The following LTBP2 variants were observed in gnomAD, a reference collection of about 807,000 sequenced individuals.
LTBP2 encodes the protein latent transforming growth factor beta binding protein 2.
Under a neutral mutation model 210.6 loss-of-function variants are expected in LTBP2, and 103 were observed. The observed-to-expected ratio is 0.49, with a 90% CI of 0.42 to 0.58. The LOEUF (loss-of-function observed/expected upper bound fraction) is 0.58, where lower values mean the gene tolerates loss of function less well. Ranked by LOEUF, LTBP2 falls within the 20% of genes least tolerant of loss-of-function variation. The probability of loss-of-function intolerance (pLI) is 0.00; values close to 1 mark genes in which losing one functional copy is unlikely to be tolerated. For missense variants in LTBP2, 2,313 were observed against 2,494.5 expected, an observed-to-expected ratio of 0.93 and a Z score of 1.55; for synonymous variants, 1,007 against 1,015.0, an observed-to-expected ratio of 0.99 and a Z score of 0.15.
chr14:74,596,103 T>C (rs889448554), intron 2 of LTBP2, among the ~76,000 whole-genome samples: 51 of 152,126 alleles, frequency 3.4e-4, no homozygotes, highest in African/African-American at 1.2e-3. Context: ...CACACACCTG[T>C]AATCCCAGCT....
chr14:74,607,732 T>C (rs1019551533), intron 1 of LTBP2, among the ~76,000 whole-genome samples: 1 of 152,136 alleles, frequency 6.6e-6, no homozygotes, highest in Non-Finnish European at 1.5e-5. Context: ...CAAAACAACA[T>C]TGTATATTTT....
At chr14:74,506,526 C>T (rs140356963) in intron 27 of LTBP2, among the ~76,000 whole-genome samples, 172 bp downstream of exon 27, 61 of 152,368 alleles carry the variant, frequency 4.0e-4, no homozygotes, top group Non-Finnish European at 7.3e-4. Context: ...CTTACCCGCC[C>T]GGCCCATGTG....
chr14:74,590,348 G>C (rs1441420339), intron 2 of LTBP2, among the ~76,000 whole-genome samples: 1 of 152,220 alleles, frequency 6.6e-6, no homozygotes, highest in Admixed American at 6.5e-5. Context: ...TATGTCTACT[G>C]CAGCACAATT....
chr14:74,611,932 T>G lies in LTBP2; in HGVS notation c.13A>C (p.Thr5Pro). ...GCGCGCCCCGGGCTGCGGGCTTTGG[T>G]CCGCGGCCTCATGGCGCGGGGCGGC... The part of the protein sequence containing the change: MRPR[T>P]KARSPGRALR... The change falls in exon 1 of 36, where the codon ACC becomes CCC. Residue 5 changes from threonine (T) to proline (P), a missense_variant. Around this residue, in one of 3 missense-constraint regions of LTBP2, gnomAD observed 1,867 missense variants for 1,976.9 expected, o/e 0.94. Transcript: ENST00000261978. The G allele has an allele frequency of 2.5e-6, 4 of 1,582,282 alleles. No individual in the cohort carries two copies. Among genetic ancestry groups the G allele is most frequent in the Non-Finnish European group, 3.4e-6 (4 of 1,168,278 alleles).
At position 74,499,704 on chromosome 14, in the gene LTBP2, G is replaced by A. The variant is rs576929018; in HGVS notation, c.*1180C>T. 2.8e-4 allele frequency: 64 copies of A among 225,518 alleles called. 1 individual carries two copies. The highest frequency in any genetic ancestry group is 1.4e-4 in the Non-Finnish European group (16 of 113,292). 14.0% of individuals were successfully genotyped at this position (225,518 alleles called of 1,614,324 possible). A position where few individuals can be genotyped will look rare whatever the true frequency, so the allele number is the denominator to read the frequency against. ...GCCTCATCTCTAATATTTAGACTTAGCCAACATGGTAAAGAAATTTAATCT... is the reference window on the plus strand; with the variant it reads ...GCCTCATCTCTAATATTTAGACTTAACCAACATGGTAAAGAAATTTAATCT... On this transcript the variant is annotated 3_prime_UTR_variant, in exon 36 of 36. Transcript: ENST00000261978.
At chr14:74,605,017 C>T (rs571899438) in intron 1 of LTBP2, among the ~76,000 whole-genome samples, 1 of 152,360 alleles carries the variant, frequency 6.6e-6, no homozygotes, top group Admixed American at 6.5e-5. Flanking sequence ...GGACTGACTC[C>T]TTGGCAGGCT....
chr14:74,543,940 G>A (rs1256080880), intron 8 of LTBP2, among the ~76,000 whole-genome samples: 1 of 152,144 alleles, frequency 6.6e-6, no homozygotes, highest in Non-Finnish European at 1.5e-5. Flanking sequence ...CAGACCCCTG[G>A]CTCAGGCAGG....
chr14:74,612,143 C>A lies in LTBP2; in HGVS notation c.-199G>T. Reference sequence around the variant, plus strand: ...GCGCCCCGAGCCTCGAGTCCGCGCTCCTACTCCAGCTGGGCTCGCACGGCT... The same window carrying A: ...GCGCCCCGAGCCTCGAGTCCGCGCTACTACTCCAGCTGGGCTCGCACGGCT... On this transcript the variant is annotated 5_prime_UTR_variant, in exon 1 of 36. Coordinates refer to ENST00000261978, the MANE Select transcript of LTBP2 (RefSeq NM_000428.3). The A allele has an allele frequency of 1.8e-6, 1 of 549,086 alleles. No homozygotes were observed. Among genetic ancestry groups the A allele is most frequent in the Middle Eastern group, 4.8e-4 (1 of 2,086 alleles). 34.0% of individuals were successfully genotyped at this position (549,086 alleles called of 1,614,324 possible).
At chr14:74,534,553 A>G (rs760924589) in intron 9 of LTBP2, among the ~76,000 whole-genome samples, 1 of 151,998 alleles carries the variant, frequency 6.6e-6, no homozygotes, top group Non-Finnish European at 1.5e-5. Flanking sequence ...CGCCCCCACC[A>G]TGGGATCCTG....
Position 74,509,308 on chromosome 14 carries a change from C to T in LTBP2, c.3333G>A (p.Thr1111=), listed in dbSNP as rs61729544. 2,135 of 1,613,676 alleles carry T rather than the reference C, an allele frequency of 1.3e-3. 23 individuals carry two copies. The African/African-American group carries it at 0.02, about 15-fold the overall frequency. ...AGTCCTTGCAGGAGAAGGAGCCAGCCGTGTTGGTGCAGACTCCGGAGGGGC... is the reference window on the plus strand; with the variant it reads ...AGTCCTTGCAGGAGAAGGAGCCAGCTGTGTTGGTGCAGACTCCGGAGGGGC... ...GVCPSGVCTN[T]AGSFSCKDCD... Residue 1111 remains threonine, a synonymous_variant, in exon 22 of 36, where the codon ACG becomes ACA. Coordinates refer to ENST00000261978, the MANE Select transcript of LTBP2 (RefSeq NM_000428.3).
chr14:74,508,010 A>G lies in LTBP2; in HGVS notation c.3738T>C (p.Thr1246=). 6.2e-7 allele frequency: 1 copy of G among 1,613,886 alleles called. No homozygotes were observed. The highest frequency in any genetic ancestry group is 8.5e-7 in the Non-Finnish European group (1 of 1,180,000). Residue 1246 remains threonine (T), a synonymous_variant, in exon 25 of 36, where the codon ACT becomes ACC. Coordinates refer to ENST00000261978, the MANE Select transcript of LTBP2 (RefSeq NM_000428.3). Reference sequence around the variant, plus strand: ...CACTCTCTGGGGAGGGCTGGAAGCCAGTCTCACATAGACAGTTGAAGGAGC... The same window carrying G: ...CACTCTCTGGGGAGGGCTGGAAGCCGGTCTCACATAGACAGTTGAAGGAGC... ...TEGSFNCLCE[T]GFQPSPESGE...
chr14:74,552,678 C>T (rs2087676487), intron 5 of LTBP2, among the ~76,000 whole-genome samples: 1 of 152,210 alleles, frequency 6.6e-6, no homozygotes, highest in African/African-American at 2.4e-5. Flanking sequence ...TCTGTCTCTT[C>T]TCTGTTGAGG....
chr14:74,523,229 G>A (rs1433092508), intron 15 of LTBP2, among the ~76,000 whole-genome samples: 1 of 151,954 alleles, frequency 6.6e-6, no homozygotes, highest in Non-Finnish European at 1.5e-5. Flanking sequence ...CCCCGAAAAT[G>A]GGCCTGACTC....
Position 74,503,453 on chromosome 14 carries a change from G to A in LTBP2, c.4720+16C>T, listed in dbSNP as rs773529458. 63 of 1,609,438 alleles carry A rather than the reference G, an allele frequency of 3.9e-5. 1 individual carries two copies. Among genetic ancestry groups the A allele is most frequent in the Non-Finnish European group, 4.9e-5 (58 of 1,179,222 alleles). On this transcript the variant is annotated intron_variant, in intron 32 of 35. Coordinates refer to ENST00000261978, the MANE Select transcript of LTBP2 (RefSeq NM_000428.3). ...AGGTACCCTTCTCCTGCTCCCCCAC[G>A]CTCAGGCCCACTCACCCGTGCTGCT...
chr14:74,578,663 GCCT>G (rs900342539), intron 3 of LTBP2, among the ~76,000 whole-genome samples: 1 of 152,094 alleles, frequency 6.6e-6, no homozygotes, highest in African/African-American at 2.4e-5. Flanking sequence ...GCCTGAACCC[GCCT>G]CTAGGTTCAC....
rs190461277 is a variant in LTBP2 at position 74,498,521 on chromosome 14, T to C, written c.*2363A>G. 1.5e-3 allele frequency: 337 copies of C among 223,686 alleles called. 1 individual carries two copies. The highest frequency in any genetic ancestry group is 7.1e-3 in the African/African-American group (321 of 44,922). 13.9% of individuals were successfully genotyped at this position (223,686 alleles called of 1,614,324 possible). A position where few individuals can be genotyped will look rare whatever the true frequency, so the allele number is the denominator to read the frequency against. On this transcript the variant is annotated 3_prime_UTR_variant, in exon 36 of 36. Coordinates refer to ENST00000261978, the MANE Select transcript of LTBP2 (RefSeq NM_000428.3). ...GTAAAATGAAATGAGGCAGCTCTAA[T>C]TGCAAGTATAAAAAAAAAGCAAAGT...
At chr14:74,604,477 T>C (rs998255220) in intron 1 of LTBP2, among the ~76,000 whole-genome samples, 5 of 151,438 alleles carry the variant, frequency 3.3e-5, no homozygotes, top group African/African-American at 1.2e-4. Flanking sequence ...ACAATTTTTA[T>C]GTGGAGGCAC....
chr14:74,521,947 T>G lies in LTBP2; in HGVS notation c.2752A>C (p.Thr918Pro). ...TGTGTCGCCCCTGAGGTGGCCAGAG[T>G]GTAGCCAGGGTAGCAGAAGCAGGAG... is the stretch of plus-strand genomic sequence containing the variant. Reference protein sequence around the residue: ...SYSCFCYPGYTLATSGATQEC... With the variant: ...SYSCFCYPGYPLATSGATQEC... The change falls in exon 17 of 36, where the codon ACT (threonine) becomes CCT (proline). Residue 918 changes from threonine to proline, a missense_variant. Coordinates refer to ENST00000261978, the MANE Select transcript of LTBP2 (RefSeq NM_000428.3). 1 of 1,613,886 alleles carries G rather than the reference T, an allele frequency of 6.2e-7. No individual in the cohort carries two copies. Among genetic ancestry groups the G allele is most frequent in the South Asian group, 1.1e-5 (1 of 91,068 alleles).
intron 3 of LTBP2, among the ~76,000 whole-genome samples, chr14:74,579,216 C>T (rs907106881): frequency 6.6e-6 from 1 of 152,202 alleles, no homozygotes; most frequent in Non-Finnish European, 1.5e-5. Flanking sequence ...ATTTTGTCAA[C>T]CAGGGGGTGC....
Sources: gnomAD v4.1 joint callset for allele counts (sites outside exome capture counted in the v4.1 genomes callset) on GRCh38, gnomAD v4.1.1 for gene constraint, gnomAD v4.1.1 regional missense constraint, MANE v1.5 for transcripts, NCBI Gene and HGNC (gene_info 2026-07-23, HGNC 2026-07-21) for gene names.